FAM135A: variants seen among roughly 807,000 people sequenced by gnomAD.
FAM135A encodes the protein protein FAM135A.
Under a neutral mutation model 146.8 loss-of-function variants are expected in FAM135A, and 79 were observed. That is an observed-to-expected ratio of 0.54 (90% CI 0.45 to 0.65). FAM135A has a LOEUF of 0.65. Ranked by LOEUF, FAM135A falls within the 30% of genes least tolerant of loss-of-function variation. The pLI is 0.00. For synonymous variants in FAM135A, 562 were observed against 603.6 expected (o/e 0.93, Z 1.01); for missense variants, 1,623 against 1,758.2 (o/e 0.92, Z 1.38).
chr6:70,538,191 A>G (rs1001533905), intron 19 of FAM135A, 100 bp from the exon 20 acceptor site: 16 of 665,408 alleles, frequency 2.4e-5, no homozygotes, highest in Middle Eastern at 3.8e-4. Context: ...AATTTAGGCA[A>G]TGTCATCTTT....
At chr6:70,552,662 G>A (rs1358157853) in intron 20 of FAM135A, among the ~76,000 whole-genome samples, 1 of 151,906 alleles carries the variant, frequency 6.6e-6, no homozygotes, top group East Asian at 1.9e-4. Flanking sequence ...TAGAGACGGG[G>A]TTTCACCATA....
intron 2 of FAM135A, among the ~76,000 whole-genome samples, chr6:70,421,110 G>C (rs1212260513): frequency 6.6e-6 from 1 of 151,992 alleles, no homozygotes; most frequent in African/African-American, 2.4e-5. Context: ...TCGAACTCCT[G>C]AGAGCTCAAG....
chr6:70,435,981 C>T (rs143953777), intron 4 of FAM135A, among the ~76,000 whole-genome samples: 11 of 152,098 alleles, frequency 7.2e-5, no homozygotes, highest in South Asian at 6.3e-4. Flanking sequence ...GTCAGGAGTT[C>T]GAGACCAACC....
intron 3 of FAM135A, among the ~76,000 whole-genome samples, chr6:70,426,987 C>T (rs1275243635): frequency 6.6e-6 from 1 of 152,092 alleles, no homozygotes; most frequent in African/African-American, 2.4e-5. Context: ...GGAACAAAGG[C>T]TGTCTATGTC....
At chr6:70,539,766 C>T (rs1254170175) in intron 20 of FAM135A, among the ~76,000 whole-genome samples, 2 of 152,052 alleles carry the variant, frequency 1.3e-5, no homozygotes, top group South Asian at 2.1e-4. Context: ...GAGCCTGAGG[C>T]GGGCGGATCA....
intron 20 of FAM135A, among the ~76,000 whole-genome samples, chr6:70,542,211 T>C (rs1312296893): frequency 6.6e-6 from 1 of 151,780 alleles, no homozygotes; most frequent in Non-Finnish European, 1.5e-5. Flanking sequence ...AAGTCCTCTA[T>C]AATCTGGTCT....
chr6:70,483,917 T>C (rs564863194), intron 10 of FAM135A, among the ~76,000 whole-genome samples: 2 of 152,326 alleles, frequency 1.3e-5, no homozygotes, highest in East Asian at 3.9e-4. Flanking sequence ...TGTCACTTAC[T>C]TACTTTGAGC....
At chr6:70,462,467 A>G (rs538806022) in intron 5 of FAM135A, among the ~76,000 whole-genome samples, 3 of 152,188 alleles carry the variant, frequency 2.0e-5, no homozygotes, top group Non-Finnish European at 2.9e-5. Flanking sequence ...AGCCAGTATT[A>G]GTACTAATAA....
At chr6:70,470,303 C>A (rs942535830) in intron 5 of FAM135A, among the ~76,000 whole-genome samples, 1 of 152,160 alleles carries the variant, frequency 6.6e-6, no homozygotes, top group South Asian at 2.1e-4. Context: ...GACTCAGGAT[C>A]TCTCATTAGG....
intron 12 of FAM135A, among the ~76,000 whole-genome samples, chr6:70,507,797 AT>A (rs2128280396): frequency 1.3e-5 from 2 of 152,224 alleles, no homozygotes; most frequent in African/African-American, 4.8e-5. Flanking sequence ...TATATTTATG[AT>A]AAGTGAATAA....
At chr6:70,451,006 G>T (rs1352475713) in intron 4 of FAM135A, among the ~76,000 whole-genome samples, 1 of 151,946 alleles carries the variant, frequency 6.6e-6, no homozygotes, top group African/African-American at 2.4e-5. Context: ...GCCTCCCAAA[G>T]TGTTAGAATT....
Position 70,414,119 on chromosome 6 carries a change from G to A in FAM135A, c.-220+417G>A, listed in dbSNP as rs865905710. ...GCCTCCCACGTGTCTTTTTGCCCGG[G>A]TGGTCCCTCCTTGGGAAGCAGCGTA... On this transcript the variant is annotated intron_variant, in intron 1 of 21. Transcript: ENST00000418814. The A allele has an allele frequency of 9.1e-6, 8 of 876,348 alleles. No homozygotes were observed. In the South Asian group the frequency reaches 2.1e-4, roughly 23 times the overall value. The allele number at this position is 876,348 out of a possible 1,614,324, so 54.3% of individuals were successfully genotyped here. A position where few individuals can be genotyped will look rare whatever the true frequency, so the allele number is the denominator to read the frequency against.
Position 70,482,129 on chromosome 6 carries a change from T to G in FAM135A, c.798T>G (p.Ile266Met), listed in dbSNP as rs749755255. The stretch of plus-strand genomic sequence containing the variant: ...ACTTCATTACAGTAACAGAAGAGAT[T>G]CCTTCTTGTCAGAAACTAGAACTGG... ...HSYFITVTEE[I>M]PSCQKLELEE... Residue 266 changes from isoleucine (I) to methionine (M), a missense_variant, in exon 10 of 22, where the codon ATT becomes ATG. Coordinates refer to ENST00000418814, the MANE Select transcript of FAM135A (RefSeq NM_001162529.3). 1.4e-5 allele frequency: 23 copies of G among 1,613,400 alleles called. No homozygotes were observed. The South Asian group carries it at 2.2e-4, about 15-fold the overall frequency.
At chr6:70,497,256 G>T (rs145804393) in intron 11 of FAM135A, among the ~76,000 whole-genome samples, 1 of 151,972 alleles carries the variant, frequency 6.6e-6, no homozygotes, top group South Asian at 2.1e-4. Flanking sequence ...TATTTTCTTC[G>T]TAGCAATTGT....
chr6:70,522,445 AC>A, intron 12 of FAM135A, 67 bp from the exon 13 acceptor site: 2 of 1,388,084 alleles, frequency 1.4e-6, no homozygotes, highest in Non-Finnish European at 2.0e-6. Context: ...TTCTCTCCTT[AC>A]CATAAGATGC....
Position 70,502,752 on chromosome 6 carries a change from A to G in FAM135A, c.990A>G (p.Glu330=). 6.2e-7 allele frequency: 1 copy of G among 1,612,822 alleles called. No homozygotes were observed. Among genetic ancestry groups the G allele is most frequent in the Non-Finnish European group, 8.5e-7 (1 of 1,179,274 alleles). The part of the protein sequence containing the change: ...QFLEVITLHE[E]LRILLAQEHH... ...TGGAAGTTATAACGCTACACGAAGA[A>G]CTAAGAATATTATTAGCACAAGAGC... is the stretch of plus-strand genomic sequence containing the variant. Residue 330 remains glutamate (E), a synonymous_variant, in exon 12 of 22, where the codon GAA becomes GAG. Transcript: ENST00000418814.
At position 70,477,199 on chromosome 6, in the gene FAM135A, A is replaced by G; in HGVS notation, c.409A>G (p.Thr137Ala). ...TGCCTTGCAACTAATAAGTAGCCGA[A>G]CATTGAAGCTGCACTTTAGCCCCCA... ...LNALQLISSR[T>A]LKLHFSPHRG... The change falls in exon 8 of 22, where the codon ACA (threonine) becomes GCA (alanine). Residue 137 changes from threonine (T) to alanine (A), a missense_variant. Transcript: ENST00000418814. 1 of 1,613,656 alleles carries G rather than the reference A, an allele frequency of 6.2e-7. No individual in the cohort carries two copies. The highest frequency in any genetic ancestry group is 1.1e-5 in the South Asian group (1 of 91,050).
chr6:70,502,871 A>C, intron 12 of FAM135A, 80 bp downstream of exon 12: 1 of 1,363,602 alleles, frequency 7.3e-7, no homozygotes, highest in South Asian at 1.5e-5. Context: ...AACAAACCTG[A>C]TTTTTACCTA....
intron 4 of FAM135A, among the ~76,000 whole-genome samples, chr6:70,436,561 G>A (rs1046849856): frequency 6.6e-6 from 1 of 152,162 alleles, no homozygotes; most frequent in African/African-American, 2.4e-5. Flanking sequence ...TTGGATTTAA[G>A]GGGCTAGTAA....
Sources: allele counts gnomAD v4.1 joint callset (sites outside exome capture counted in the v4.1 genomes callset), GRCh38; gene constraint gnomAD v4.1.1; transcripts MANE v1.5; gene names NCBI Gene and HGNC (gene_info 2026-07-23, HGNC 2026-07-21).